The following COG3 variants were observed in gnomAD, a reference collection of about 807,000 sequenced individuals.
COG3 encodes the protein conserved oligomeric Golgi complex subunit 3.
A neutral mutation model predicts 114.1 loss-of-function variants in COG3; 32 were observed. That is an observed-to-expected ratio of 0.28 (90% confidence interval 0.21 to 0.38). The LOEUF (loss-of-function observed/expected upper bound fraction) is 0.38, where lower values mean the gene tolerates loss of function less well. Among genes scored for constraint, COG3 ranks in the 10% least tolerant of loss-of-function variants. The pLI, the probability that COG3 is intolerant of heterozygous loss-of-function variation, is 1.00. For synonymous variants in COG3, 352 were observed against 365.7 expected, an observed-to-expected ratio of 0.96 and a Z score of 0.43; for missense variants, 813 against 973.2, an observed-to-expected ratio of 0.84 and a Z score of 2.19.
In COG3 at chr13:45,486,478, C is replaced by G; in HGVS notation, c.844-17C>G. The G allele has an allele frequency of 6.7e-7, 1 of 1,483,120 alleles. No individual in the cohort carries two copies. The highest frequency in any genetic ancestry group is 9.4e-7 in the Non-Finnish European group (1 of 1,061,390). The allele number at this position is 1,483,120 out of a possible 1,614,324, so 91.9% of individuals were successfully genotyped here. ...GCTAATTATCTTCCTTCCTTATCCT[C>G]CCCCATGTTTCTTTAGGATCCTTCA... On this transcript the variant is annotated splice_polypyrimidine_tract_variant and intron_variant, in intron 7 of 22. Coordinates refer to ENST00000349995, the MANE Select transcript of COG3 (RefSeq NM_031431.4).
rs1219179009 is a variant in COG3 at position 45,511,951 on chromosome 13, G to A, written c.1809+97G>A. On this transcript the variant is annotated intron_variant, in intron 16 of 22. Transcript: ENST00000349995. ...ACAGAAGTTTAAAGCTGTTTTGGCAGTAGGATTTGTTTAACATGATTGAAT... is the reference window on the plus strand; with the variant it reads ...ACAGAAGTTTAAAGCTGTTTTGGCAATAGGATTTGTTTAACATGATTGAAT... The A allele has an allele frequency of 1.2e-5, 11 of 905,246 alleles. No individual in the cohort carries two copies. The Admixed American group carries it at 1.6e-4, about 13-fold the overall frequency. 56.1% of individuals were successfully genotyped at this position (905,246 alleles called of 1,614,324 possible).
In COG3 at chr13:45,476,354, T is replaced by C; in HGVS notation, c.321+7T>C. On this transcript the variant is annotated splice_region_variant and intron_variant, in intron 2 of 22. Coordinates refer to ENST00000349995, the MANE Select transcript of COG3 (RefSeq NM_031431.4). ...AATTGAAACCGCACAGCAGGTGAAT[T>C]GCAGTATCTTTTCTAAGGATGTTTG... 1 of 1,612,644 alleles carries C rather than the reference T, an allele frequency of 6.2e-7. No individual in the cohort carries two copies. Among genetic ancestry groups the C allele is most frequent in the Non-Finnish European group, 8.5e-7 (1 of 1,178,916 alleles).
intron 1 of COG3, 103 bp downstream of exon 1, chr13:45,465,313 T>G: frequency 2.1e-6 from 3 of 1,458,422 alleles, no homozygotes; most frequent in Non-Finnish European, 2.7e-6. Flanking sequence ...AGGATATCTC[T>G]CCACTCCTCC....
At position 45,482,449 on chromosome 13, in the gene COG3, T is replaced by C. The variant is rs1452774978; in HGVS notation, c.693T>C (p.Asp231=). Reference sequence around the variant, plus strand: ...TACCTATGCTGGCCAAGTTAGATGATTGTATAACATATATCTCATCTCATG... The same window carrying C: ...TACCTATGCTGGCCAAGTTAGATGACTGTATAACATATATCTCATCTCATG... ...GFIPMLAKLD[D]CITYISSHPN... The change falls in exon 6 of 23, where the codon GAT becomes GAC. Residue 231 remains aspartate (D), a synonymous_variant. Coordinates refer to ENST00000349995, the MANE Select transcript of COG3 (RefSeq NM_031431.4). 4.6e-6 allele frequency: 7 copies of C among 1,534,774 alleles called. No homozygotes were observed. The highest frequency in any genetic ancestry group is 1.7e-5 in the Admixed American group (1 of 57,960).
At chr13:45,479,328 A>G (rs1201317287) in intron 3 of COG3, among the ~76,000 whole-genome samples, 1 of 152,184 alleles carries the variant, frequency 6.6e-6, no homozygotes, top group African/African-American at 2.4e-5. Context: ...TCCAGAAAGA[A>G]CTAGGTTCAG....
intron 15 of COG3, 116 bp from the exon 16 acceptor site, chr13:45,511,649 A>G: frequency 1.4e-6 from 1 of 726,524 alleles, no homozygotes. Context: ...CAAGTAGTAA[A>G]TTAATCCAAC....
In COG3 at chr13:45,465,097, A is replaced by C. The variant is rs752423674; in HGVS notation, c.61A>C (p.Lys21Gln). The C allele has an allele frequency of 2.5e-6, 4 of 1,611,948 alleles. No homozygotes were observed. In the East Asian group the frequency reaches 8.9e-5, roughly 36 times the overall value. Reference sequence around the variant, plus strand: ...GGCGGCGGAGCGGGACGCTAGGGAAAAGCTGGCTCTCTGGGATCGGAGACC... The same window carrying C: ...GGCGGCGGAGCGGGACGCTAGGGAACAGCTGGCTCTCTGGGATCGGAGACC... ...EAAAERDARE[K>Q]LALWDRRPDT... The change falls in exon 1 of 23, where the codon AAG becomes CAG. Residue 21 changes from lysine (K) to glutamine (Q), a missense_variant. By Grantham distance (53) the Lys-to-Gln change is moderately conservative (BLOSUM62 1). This residue lies in a region of COG3 where 424 missense variants were observed against 430.6 expected (regional missense o/e 0.98). Transcript: ENST00000349995.
intron 1 of COG3, chr13:45,466,637 G>C (rs1885158061): frequency 6.6e-6 from 1 of 152,194 alleles, no homozygotes; most frequent in African/African-American, 2.4e-5. Context: ...AAATTTTCCA[G>C]TCTGTTTATA....
chr13:45,491,960 A>G (rs1887044598), intron 10 of COG3, among the ~76,000 whole-genome samples, 199 bp from the exon 11 acceptor site: 1 of 152,230 alleles, frequency 6.6e-6, no homozygotes, highest in Non-Finnish European at 1.5e-5. Flanking sequence ...TTTAGAAACT[A>G]AAGCATTAAG....
At chr13:45,473,452 C>T (rs548141801) in intron 1 of COG3, among the ~76,000 whole-genome samples, 7 of 152,180 alleles carry the variant, frequency 4.6e-5, no homozygotes, top group East Asian at 3.9e-4. Flanking sequence ...CATATCACCC[C>T]GGCCCCCCTT....
At chr13:45,474,244 A>G (rs1218944363) in intron 1 of COG3, among the ~76,000 whole-genome samples, 1 of 133,412 alleles carries the variant, frequency 7.5e-6, no homozygotes, top group African/African-American at 2.9e-5. Context: ...TGCAAGCTTC[A>G]CTTCCCGGGT....
chr13:45,465,509 C>T, intron 1 of COG3: 1 of 314,050 alleles, frequency 3.2e-6, no homozygotes. Context: ...TTGCACCGAA[C>T]GTTTTGCCCC....
At chr13:45,520,558 G>A (rs1257580839) in intron 19 of COG3, among the ~76,000 whole-genome samples, 1 of 152,008 alleles carries the variant, frequency 6.6e-6, no homozygotes, top group African/African-American at 2.4e-5. Context: ...TGAAGCCTGT[G>A]GTAAAGACAG....
intron 22 of COG3, chr13:45,532,147 G>A (rs1873210751): frequency 6.6e-6 from 1 of 151,952 alleles, no homozygotes; most frequent in South Asian, 2.1e-4. Context: ...CATTCACCTA[G>A]CATGTTTTCA....
chr13:45,523,147 G>A (rs1566271686), intron 19 of COG3, among the ~76,000 whole-genome samples: 1 of 72,284 alleles, frequency 1.4e-5, no homozygotes, highest in Non-Finnish European at 3.4e-5. Flanking sequence ...AAGCTTAAAA[G>A]TGTTTTTTTT....
chr13:45,530,591 C>T (rs911169302), intron 21 of COG3, 91 bp from the exon 22 acceptor site: 6 of 806,860 alleles, frequency 7.4e-6, no homozygotes, highest in African/African-American at 3.4e-5. Flanking sequence ...CGCTTCCACT[C>T]GCTTTGGCAA....
chr13:45,529,714 T>G, intron 20 of COG3, 77 bp from the exon 21 acceptor site: 4 of 1,109,704 alleles, frequency 3.6e-6, no homozygotes, highest in Non-Finnish European at 5.1e-6. Flanking sequence ...TTTTCTCCCT[T>G]TATTCCCCTT....
At chr13:45,480,084 GAA>G in intron 3 of COG3, 39 bp from the exon 4 acceptor site, 1 of 1,522,842 alleles carries the variant, frequency 6.6e-7, no homozygotes, top group Non-Finnish European at 8.9e-7. Context: ...CTTATTGGGG[GAA>G]AAGATTATTG....
In COG3 at chr13:45,518,951, C is replaced by G. The variant is rs904579423; in HGVS notation, c.2020-9C>G. 2.5e-6 allele frequency: 4 copies of G among 1,613,840 alleles called. No homozygotes were observed. Among genetic ancestry groups the G allele is most frequent in the Non-Finnish European group, 3.4e-6 (4 of 1,179,912 alleles). On this transcript the variant is annotated splice_polypyrimidine_tract_variant and intron_variant, in intron 18 of 22. Coordinates refer to ENST00000349995, the MANE Select transcript of COG3 (RefSeq NM_031431.4). ...AAAAACAGGAGGAAATTGTTATCTTCTTTTTAAGGGTACTCCTGAGATAAG... is the reference window on the plus strand; with the variant it reads ...AAAAACAGGAGGAAATTGTTATCTTGTTTTTAAGGGTACTCCTGAGATAAG...
Sources: allele counts gnomAD v4.1 joint callset (sites outside exome capture counted in the v4.1 genomes callset), GRCh38; gene constraint gnomAD v4.1.1; regional missense constraint gnomAD v4.1.1; transcripts MANE v1.5; gene names NCBI Gene and HGNC (gene_info 2026-07-23, HGNC 2026-07-21).